PKN2: variants seen among roughly 807,000 people sequenced by gnomAD.
PKN2 encodes the protein serine/threonine-protein kinase N2.
A neutral mutation model predicts 119.1 loss-of-function variants in PKN2; 38 were observed. The ratio of observed to expected loss-of-function variants is 0.32; its 90% confidence interval spans 0.25 to 0.42. PKN2 has a LOEUF of 0.42. Ranked by LOEUF, PKN2 falls within the 10% of genes least tolerant of loss-of-function variation. The pLI is 1.00. For missense variants in PKN2, 850 were observed against 1,165.1 expected (o/e 0.73, Z 3.94); for synonymous variants, 390 against 384.9 (o/e 1.01, Z -0.15).
In PKN2 at chr1:88,834,995, T is replaced by G. The variant is rs79294200; in HGVS notation, c.*1547T>G. On this transcript the variant is annotated 3_prime_UTR_variant, in exon 22 of 22. Transcript: ENST00000370521. ...ATTTAATTACAGTGAGCTCATCTCT[T>G]AAAAATTGTTCAGGTGTAAATCTTA... 731 of 152,620 alleles carry G rather than the reference T, an allele frequency of 4.8e-3. 2 individuals are homozygous for G. The highest frequency in any genetic ancestry group is 0.017 in the African/African-American group (688 of 41,580). 9.5% of individuals were successfully genotyped at this position (152,620 alleles called of 1,614,324 possible). A position where few individuals can be genotyped will look rare whatever the true frequency, so the allele number is the denominator to read the frequency against.
chr1:88,786,513 GCTAAGGCGATT>G (rs1409345421), intron 8 of PKN2, among the ~76,000 whole-genome samples: 2 of 152,184 alleles, frequency 1.3e-5, no homozygotes, highest in Admixed American at 6.5e-5. Context: ...TGCGCTAACA[GCTAAGGCGATT>G]CTTCTGGCTC....
At chr1:88,828,934 GA>G in intron 19 of PKN2, 1 of 632,582 alleles carries the variant, frequency 1.6e-6, no homozygotes, top group Non-Finnish European at 3.0e-6. Flanking sequence ...CTAATAAAAG[GA>G]ATGTACTCTG....
chr1:88,814,394 G>A (rs12409866), intron 16 of PKN2, among the ~76,000 whole-genome samples: 16,979 of 152,058 alleles, frequency 0.11, 1,970 homozygotes, highest in African/African-American at 0.3. Context: ...TCTTAATTTT[G>A]TAGCTGTTAA....
intron 17 of PKN2, among the ~76,000 whole-genome samples, chr1:88,822,999 G>T (rs1258467053): frequency 6.6e-6 from 1 of 152,066 alleles, no homozygotes; most frequent in Non-Finnish European, 1.5e-5. Context: ...TGGGAGGATT[G>T]CTTCAGTCTA....
intron 16 of PKN2, among the ~76,000 whole-genome samples, chr1:88,820,206 AT>A (rs1188244255): frequency 8.9e-6 from 1 of 111,784 alleles, no homozygotes; most frequent in Non-Finnish European, 1.7e-5. Flanking sequence ...ATATATATAT[AT>A]ATATATATAT....
At chr1:88,739,184 T>C (rs1425638677) in intron 1 of PKN2, among the ~76,000 whole-genome samples, 1 of 152,052 alleles carries the variant, frequency 6.6e-6, no homozygotes, top group Non-Finnish European at 1.5e-5. Context: ...AATTCTTAGC[T>C]AGAAACAGGC....
At chr1:88,714,263 G>A (rs1031880592) in intron 1 of PKN2, among the ~76,000 whole-genome samples, 2 of 152,102 alleles carry the variant, frequency 1.3e-5, no homozygotes, top group East Asian at 1.9e-4. Context: ...TTGGCAATGC[G>A]GGCTCTTTTT....
intron 1 of PKN2, among the ~76,000 whole-genome samples, chr1:88,699,779 A>T (rs552954565): frequency 9.3e-5 from 14 of 150,688 alleles, no homozygotes; most frequent in African/African-American, 9.8e-5. Context: ...TTTTTTTTTT[A>T]ATTTTTTTAT....
At chr1:88,721,466 G>A (rs1479196630) in intron 1 of PKN2, among the ~76,000 whole-genome samples, 1 of 152,124 alleles carries the variant, frequency 6.6e-6, no homozygotes, top group East Asian at 1.9e-4. Flanking sequence ...GGACACAGTG[G>A]GGGGCTTGCC....
chr1:88,699,078 C>G (rs960247021), intron 1 of PKN2, among the ~76,000 whole-genome samples: 11 of 151,644 alleles, frequency 7.3e-5, no homozygotes, highest in African/African-American at 2.7e-4. Flanking sequence ...TCCTTCCTTC[C>G]TTCTTTCCTG....
intron 6 of PKN2, among the ~76,000 whole-genome samples, chr1:88,777,153 C>T (rs912681607): frequency 2.0e-5 from 3 of 152,152 alleles, no homozygotes; most frequent in Non-Finnish European, 2.9e-5. Context: ...CAAATTGGCT[C>T]ACTTTTTCTT....
chr1:88,715,836 C>T (rs961870206), intron 1 of PKN2, among the ~76,000 whole-genome samples: 3 of 152,156 alleles, frequency 2.0e-5, no homozygotes, highest in African/African-American at 4.8e-5. Context: ...TTTCTGCTAG[C>T]TTTTGAATGT....
At chr1:88,748,454 T>G (rs1411885958) in intron 2 of PKN2, among the ~76,000 whole-genome samples, 1 of 152,116 alleles carries the variant, frequency 6.6e-6, no homozygotes, top group Non-Finnish European at 1.5e-5. Flanking sequence ...AATAGTTGAT[T>G]GTATAAATGT....
chr1:88,805,458 G>T, intron 10 of PKN2, 39 bp from the exon 11 acceptor site: 1 of 1,490,450 alleles, frequency 6.7e-7, no homozygotes, highest in Non-Finnish European at 9.1e-7. Context: ...TATACATAAA[G>T]AAATTACTTG....
In PKN2 at chr1:88,731,149, GT is replaced by G. The variant is rs202025953; in HGVS notation, c.49-9830del. On this transcript the variant is annotated intron_variant, in intron 1 of 21. Coordinates refer to ENST00000370521, the MANE Select transcript of PKN2 (RefSeq NM_006256.4). Reference sequence around the variant, plus strand: ...GAACTCAATGCATGTTTTGAATAAAGTTTTTTTTTAAACCTTGTATGATAGG... The same window carrying G: ...GAACTCAATGCATGTTTTGAATAAAGTTTTTTTTAAACCTTGTATGATAGG... Among the ~76,000 whole-genome samples, 430 of 151,866 alleles carry G rather than the reference GT, an allele frequency of 2.8e-3. 5 individuals carry two copies. Among genetic ancestry groups the G allele is most frequent in the African/African-American group, 9.7e-3 (403 of 41,444 alleles).
chr1:88,712,562 T>C (rs1667276743), intron 1 of PKN2, among the ~76,000 whole-genome samples: 1 of 152,300 alleles, frequency 6.6e-6, no homozygotes, highest in Admixed American at 6.5e-5. Flanking sequence ...TTCTGAATTA[T>C]TAAGAATGTA....
intron 1 of PKN2, among the ~76,000 whole-genome samples, chr1:88,687,461 A>G (rs1182993396): frequency 6.6e-6 from 1 of 152,218 alleles, no homozygotes; most frequent in Admixed American, 6.5e-5. Flanking sequence ...TTGCAATGCC[A>G]AAGAAACTAA....
chr1:88,718,927 T>C (rs563808535), intron 1 of PKN2, among the ~76,000 whole-genome samples: 1 of 152,258 alleles, frequency 6.6e-6, no homozygotes, highest in African/African-American at 2.4e-5. Flanking sequence ...TAAATAAACA[T>C]TACCAGTTTT....
rs1209485714 is a variant in PKN2, at chr1:88,832,726, C to T, written c.2563-18C>T. 3 of 1,441,388 alleles carry T rather than the reference C, an allele frequency of 2.1e-6. No individual in the cohort carries two copies. Among genetic ancestry groups the T allele is most frequent in the Non-Finnish European group, 2.9e-6 (3 of 1,036,286 alleles). 89.3% of individuals were successfully genotyped at this position (1,441,388 alleles called of 1,614,324 possible). The stretch of plus-strand genomic sequence containing the variant: ...GCCTTAAAACTTGCTTTAACTTACT[C>T]AAAGGTATTTCTTCTAGTCTCCCTT... On this transcript the variant is annotated intron_variant, in intron 19 of 21. Transcript: ENST00000370521.
Sources: allele counts gnomAD v4.1 joint callset (sites outside exome capture counted in the v4.1 genomes callset), GRCh38; gene constraint gnomAD v4.1.1; transcripts MANE v1.5; gene names NCBI Gene and HGNC (gene_info 2026-07-23, HGNC 2026-07-21).